DLG2: variants seen among roughly 807,000 people sequenced by gnomAD.
DLG2 encodes disks large homolog 2.
DLG2 carries 45 observed loss-of-function variants against 132.5 expected under a neutral mutation model. The observed-to-expected ratio is 0.34, with a 90% CI of 0.27 to 0.44. The LOEUF (loss-of-function observed/expected upper bound fraction) is 0.44. Among genes scored for constraint, DLG2 ranks in the 20% least tolerant of loss-of-function variants. DLG2 has a pLI of 1.00. For synonymous variants in DLG2, 424 were observed against 419.6 expected (o/e 1.01, Z -0.13); for missense variants, 1,045 against 1,196.9 (o/e 0.87, Z 1.87).
At chr11:84,391,631 A>T (rs2098792853) in intron 7 of DLG2, among the ~76,000 whole-genome samples, 2 of 152,184 alleles carry the variant, frequency 1.3e-5, no homozygotes. Flanking sequence ...AGAGATGTGA[A>T]TTTGTCTGAA....
intron 5 of DLG2, among the ~76,000 whole-genome samples, chr11:85,150,650 C>T (rs940094425): frequency 1.3e-5 from 2 of 149,938 alleles, no homozygotes; most frequent in African/African-American, 4.9e-5. Context: ...CCTCAAGGTC[C>T]ATTCATGTTA....
At chr11:83,785,857 C>T (rs2095035832) in intron 18 of DLG2, among the ~76,000 whole-genome samples, 1 of 152,206 alleles carries the variant, frequency 6.6e-6, no homozygotes, top group South Asian at 2.1e-4. Context: ...GTTTAATACT[C>T]CTCTTTGCTA....
At chr11:83,869,273 T>A (rs986401966) in intron 16 of DLG2, among the ~76,000 whole-genome samples, 7 of 152,148 alleles carry the variant, frequency 4.6e-5, no homozygotes, top group African/African-American at 1.7e-4. Flanking sequence ...TAGGTCAGCA[T>A]CATCCTGGGA....
At chr11:84,968,311 G>A (rs946189784) in intron 6 of DLG2, among the ~76,000 whole-genome samples, 15 of 152,096 alleles carry the variant, frequency 9.9e-5, no homozygotes, top group African/African-American at 3.6e-4. Flanking sequence ...GTGCACTGAA[G>A]AGAATGGAGG....
intron 3 of DLG2, among the ~76,000 whole-genome samples, chr11:85,413,519 G>C (rs551602443): frequency 6.6e-6 from 1 of 151,976 alleles, no homozygotes; most frequent in African/African-American, 2.4e-5. Flanking sequence ...TTATATTCTA[G>C]AATTTTTAGA....
intron 3 of DLG2, among the ~76,000 whole-genome samples, chr11:85,487,637 A>T (rs4403828): frequency 7.9e-5 from 12 of 152,188 alleles, no homozygotes; most frequent in Middle Eastern, 3.4e-3. Context: ...AAAAATTTTT[A>T]AAAAAATAAG....
chr11:84,921,936 G>C (rs1431190335), intron 6 of DLG2, among the ~76,000 whole-genome samples: 1 of 152,024 alleles, frequency 6.6e-6, no homozygotes, highest in Non-Finnish European at 1.5e-5. Flanking sequence ...AAATTCTATA[G>C]AACTCTGCAA....
At chr11:83,573,948 T>C (rs2096837804) in intron 19 of DLG2, among the ~76,000 whole-genome samples, 1 of 152,210 alleles carries the variant, frequency 6.6e-6, no homozygotes. Context: ...ATTGAGTTGG[T>C]GAACTTTTGA....
chr11:83,585,079 T>G (rs11233683), intron 19 of DLG2, among the ~76,000 whole-genome samples: 7,988 of 152,296 alleles, frequency 0.052, 238 homozygotes, highest in South Asian at 0.11. Context: ...AATGGTAGCA[T>G]TATTGCAAAT....
In DLG2 at chr11:83,775,064, G is replaced by A. The variant is rs181102473; in HGVS notation, c.1825+11626C>T. 9.2e-5 allele frequency among the ~76,000 whole-genome samples: 14 copies of A among 152,160 alleles called. No individual in the cohort carries two copies. In the East Asian group the frequency reaches 1.7e-3, roughly 19 times the overall value. On this transcript the variant is annotated intron_variant, in intron 18 of 27. Transcript: ENST00000376104. ...GAAAGAAGACATACTCTCCTAGCCC[G>A]CATCTGCTCCTAATCCAGGCCCTAC...
intron 11 of DLG2, among the ~76,000 whole-genome samples, chr11:84,027,628 C>T (rs1300364040): frequency 6.6e-6 from 1 of 151,920 alleles, no homozygotes; most frequent in Non-Finnish European, 1.5e-5. Flanking sequence ...AATGAACATG[C>T]ATCGGGAGAA....
intron 6 of DLG2, among the ~76,000 whole-genome samples, chr11:84,917,889 C>G (rs1257134592): frequency 1.3e-5 from 2 of 152,104 alleles, no homozygotes; most frequent in African/African-American, 4.8e-5. Context: ...TTATAGGTAT[C>G]CTAAAAGAGA....
At chr11:85,318,659 T>C (rs993104832) in intron 3 of DLG2, among the ~76,000 whole-genome samples, 1 of 151,626 alleles carries the variant, frequency 6.6e-6, no homozygotes, top group Admixed American at 6.6e-5. Context: ...AAGGAGGAAT[T>C]AGGGAGGAAA....
chr11:85,557,065 C>G lies in DLG2; in HGVS notation c.40+41592G>C, dbSNP rs184635335. Among the ~76,000 whole-genome samples the G allele has an allele frequency of 1.4e-4, 22 of 151,828 alleles. No individual in the cohort carries two copies. In the East Asian group the frequency reaches 3.5e-3, roughly 24 times the overall value. ...ACTCTAAAGATTCTACCAAGAAGCTCCTGGAACTGATAAACAACTTCATGA... is the reference window on the plus strand; with the variant it reads ...ACTCTAAAGATTCTACCAAGAAGCTGCTGGAACTGATAAACAACTTCATGA... On this transcript the variant is annotated intron_variant, in intron 3 of 27. Coordinates refer to ENST00000376104, the MANE Select transcript of DLG2 (RefSeq NM_001142699.3).
At chr11:83,862,414 A>G (rs1334123353) in intron 16 of DLG2, among the ~76,000 whole-genome samples, 1 of 152,160 alleles carries the variant, frequency 6.6e-6, no homozygotes, top group Admixed American at 6.5e-5. Flanking sequence ...ACTTATGGAT[A>G]TAATAGAATG....
At chr11:84,637,853 AT>A (rs1317314209) in intron 6 of DLG2, among the ~76,000 whole-genome samples, 1 of 152,230 alleles carries the variant, frequency 6.6e-6, no homozygotes, top group Non-Finnish European at 1.5e-5. Flanking sequence ...GTAAAATCTG[AT>A]TCTTACAAGA....
chr11:83,696,710 A>G (rs2082009970), intron 18 of DLG2, among the ~76,000 whole-genome samples: 1 of 152,220 alleles, frequency 6.6e-6, no homozygotes, highest in South Asian at 2.1e-4. Flanking sequence ...GATTAATTCA[A>G]TTAAACAAAT....
intron 6 of DLG2, among the ~76,000 whole-genome samples, chr11:84,568,398 T>C (rs1452100142): frequency 6.6e-6 from 1 of 152,142 alleles, no homozygotes; most frequent in Non-Finnish European, 1.5e-5. Context: ...TCCCAGCTAC[T>C]TGGGAGGCTG....
chr11:85,017,720 CT>C (rs1408671010), intron 6 of DLG2, among the ~76,000 whole-genome samples: 2 of 152,202 alleles, frequency 1.3e-5, no homozygotes, highest in Non-Finnish European at 2.9e-5. Context: ...AGAAAAGCTA[CT>C]GGAGATATCA....
Sources: allele counts gnomAD v4.1 joint callset (sites outside exome capture counted in the v4.1 genomes callset), GRCh38; gene constraint gnomAD v4.1.1; transcripts MANE v1.5; gene names NCBI Gene and HGNC (gene_info 2026-07-23, HGNC 2026-07-21).